Variants in IFI16 observed in about 807,000 individuals in gnomAD.
IFI16 encodes gamma-interferon-inducible protein 16.
In IFI16, 49 loss-of-function variants were observed where a neutral mutation model predicts 68.4. That is an observed-to-expected ratio of 0.72 (90% CI 0.57 to 0.91). The LOEUF (loss-of-function observed/expected upper bound fraction) is 0.91, where lower values mean the gene tolerates loss of function less well. Among genes scored for constraint, IFI16 ranks in the 40% least tolerant of loss-of-function variants. The pLI is 0.00. For synonymous variants in IFI16, 307 were observed against 315.0 expected (o/e 0.97, Z 0.27); for missense variants, 878 against 942.9 (o/e 0.93, Z 0.90).
intron 7 of IFI16, among the ~76,000 whole-genome samples, chr1:159,042,427 T>A (rs3768513): frequency 0.11 from 16,907 of 152,248 alleles, 1,226 homozygotes; most frequent in East Asian, 0.3. Flanking sequence ...TATTCCAGTT[T>A]CTTTGCGATC....
chr1:159,011,153 G>A (rs1160473203), intron 1 of IFI16, among the ~76,000 whole-genome samples: 1 of 152,136 alleles, frequency 6.6e-6, no homozygotes, highest in Non-Finnish European at 1.5e-5. Context: ...GGAGACCAAG[G>A]CGAGCGGATC....
intron 2 of IFI16, 70 bp downstream of exon 2, chr1:159,015,015 C>G (rs1652834397): frequency 2.2e-6 from 3 of 1,366,326 alleles, no homozygotes; most frequent in Non-Finnish European, 3.0e-6. Context: ...GATTAGAGCC[C>G]CACCTCGGAC....
chr1:159,009,058 T>TA (rs1262602122), upstream of IFI16: 1 of 152,056 alleles, frequency 6.6e-6, no homozygotes, highest in Non-Finnish European at 1.5e-5. Context: ...CAGAGAAAAA[T>TA]ACACTGCTGA....
intron 1 of IFI16, among the ~76,000 whole-genome samples, chr1:159,012,252 C>T (rs993502105): frequency 6.6e-6 from 1 of 152,104 alleles, no homozygotes; most frequent in Non-Finnish European, 1.5e-5. Context: ...TAAATTAAAA[C>T]TCTAAAATGT....
chr1:159,042,818 A>C (rs995854505), intron 7 of IFI16, among the ~76,000 whole-genome samples: 3 of 3,214 alleles, frequency 9.3e-4, no homozygotes, highest in Admixed American at 0.014. Flanking sequence ...TGTTGTCAAC[A>C]CTTACCCAGC....
chr1:159,009,434 T>C (rs867779272), upstream of IFI16, among the ~76,000 whole-genome samples: 1 of 152,174 alleles, frequency 6.6e-6, no homozygotes, highest in Non-Finnish European at 1.5e-5. Context: ...TGCAGTAAAG[T>C]ATTGGTAGCA....
intron 5 of IFI16, among the ~76,000 whole-genome samples, chr1:159,019,498 G>A (rs574302316): frequency 8.3e-4 from 124 of 148,682 alleles, no homozygotes; most frequent in African/African-American, 2.9e-3. Context: ...AGTCTCTGTC[G>A]CCCAGGTTGG....
intron 6 of IFI16, among the ~76,000 whole-genome samples, chr1:159,031,717 C>A (rs888917509): frequency 2.6e-5 from 4 of 152,108 alleles, no homozygotes; most frequent in African/African-American, 9.7e-5. Flanking sequence ...AGCAGCAGTC[C>A]GCTTTTTTTC....
chr1:159,040,427 T>C (rs990976994), intron 7 of IFI16, among the ~76,000 whole-genome samples: 4 of 152,204 alleles, frequency 2.6e-5, no homozygotes, highest in African/African-American at 7.2e-5. Context: ...GAGAAGCATG[T>C]TGTTAATCTT....
At chr1:159,040,005 A>C (rs1234637331) in intron 7 of IFI16, among the ~76,000 whole-genome samples, 1 of 152,210 alleles carries the variant, frequency 6.6e-6, no homozygotes, top group Non-Finnish European at 1.5e-5. Flanking sequence ...CTTAAACCTG[A>C]AAACATGCAT....
At position 159,020,382 on chromosome 1, in the gene IFI16, T is replaced by C. The variant is rs776250741; in HGVS notation, c.1014T>C (p.Asp338=). ...NQKTTIYEIQ[D]DRGKMDVVGT... ...AGACCACAATCTACGAAATTCAGGA[T>C]GATAGAGGAAAAATGGATGTAGTGG... Residue 338 remains aspartate (D), a synonymous_variant, in exon 6 of 12, where the codon GAT becomes GAC. Transcript: ENST00000295809. 1.1e-5 allele frequency: 18 copies of C among 1,612,062 alleles called. No individual in the cohort carries two copies. The highest frequency in any genetic ancestry group is 1.7e-5 in the Admixed American group (1 of 59,700).
rs1181094539 is a variant in IFI16, at chr1:159,053,678, GT to G, written c.2232del (p.Ser744ArgfsTer7). 6.2e-7 allele frequency: 1 copy of G among 1,613,882 alleles called. No individual in the cohort carries two copies. Among genetic ancestry groups the G allele is most frequent in the Non-Finnish European group, 8.5e-7 (1 of 1,179,892 alleles). ...KLTCFELAPK[S>X]GNTGELRSVI... ...ACCTGCTTTGAATTGGCACCGAAAA[GT>G]GGGAATACCGGGGAGTTGAGATCTG... is the stretch of plus-strand genomic sequence containing the variant. On this transcript the variant is annotated frameshift_variant, in exon 11 of 12. Transcript: ENST00000295809. LOFTEE classifies it low-confidence loss of function (END_TRUNC).
chr1:159,016,025 A>T (rs1180977226), intron 3 of IFI16, 38 bp downstream of exon 3: 2 of 1,345,848 alleles, frequency 1.5e-6, no homozygotes, highest in East Asian at 4.6e-5. Flanking sequence ...CAAGTCCCAC[A>T]GAGGAAGCTC....
chr1:159,012,290 T>G (rs1652615581), intron 1 of IFI16, among the ~76,000 whole-genome samples: 1 of 152,206 alleles, frequency 6.6e-6, no homozygotes, highest in Non-Finnish European at 1.5e-5. Flanking sequence ...TAAGACAAGA[T>G]GAAAGCACCT....
chr1:159,036,113 C>T (rs1167227748), intron 7 of IFI16, among the ~76,000 whole-genome samples: 1 of 152,118 alleles, frequency 6.6e-6, no homozygotes, highest in Non-Finnish European at 1.5e-5. Flanking sequence ...CAAATCCCTG[C>T]AGAGACAGTG....
chr1:159,031,385 C>CTT (rs1356685526), intron 6 of IFI16, among the ~76,000 whole-genome samples: 5 of 152,232 alleles, frequency 3.3e-5, no homozygotes, highest in Non-Finnish European at 5.9e-5. Flanking sequence ...TCGGTCGAAA[C>CTT]TTCAGCTGGA....
chr1:159,013,903 A>G (rs1281075223), intron 1 of IFI16, among the ~76,000 whole-genome samples: 1 of 152,240 alleles, frequency 6.6e-6, no homozygotes, highest in Non-Finnish European at 1.5e-5. Flanking sequence ...AAAAGGAGAA[A>G]TATTGAAGGA....
At chr1:159,053,758 T>C in intron 11 of IFI16, 34 bp downstream of exon 11, 1 of 1,530,508 alleles carries the variant, frequency 6.5e-7, no homozygotes, top group Non-Finnish European at 9.0e-7. Context: ...TTTTTCCAAG[T>C]GGCGAATCAT....
At chr1:159,018,160 T>G in intron 4 of IFI16, 69 bp from the exon 5 acceptor site, 1 of 1,341,146 alleles carries the variant, frequency 7.5e-7, no homozygotes, top group Non-Finnish European at 1.0e-6. Context: ...TATACTGAGG[T>G]CACTGAATAG....
Sources: allele counts gnomAD v4.1 joint callset (sites outside exome capture counted in the v4.1 genomes callset), GRCh38; gene constraint gnomAD v4.1.1; transcripts MANE v1.5; gene names NCBI Gene and HGNC (gene_info 2026-07-23, HGNC 2026-07-21).